EPHA1: variants seen among roughly 807,000 people sequenced by gnomAD.
EPHA1 encodes EPH receptor A1.
A neutral mutation model predicts 110.1 loss-of-function variants in EPHA1; 92 were observed. The observed-to-expected ratio is 0.84, with a 90% confidence interval of 0.71 to 0.99. The LOEUF is 0.99. Among genes scored for constraint, EPHA1 ranks in the 50% least tolerant of loss-of-function variants. EPHA1 has a pLI of 0.00. For synonymous variants in EPHA1, 500 were observed against 516.1 expected, an observed-to-expected ratio of 0.97 and a Z score of 0.42; for missense variants, 1,204 against 1,285.4, an observed-to-expected ratio of 0.94 and a Z score of 0.97.
Position 143,398,654 on chromosome 7 carries a change from A to T in EPHA1, c.1283T>A (p.Leu428Gln), listed in dbSNP as rs1212536971. 1.2e-6 allele frequency: 2 copies of T among 1,613,986 alleles called. No homozygotes were observed. The highest frequency in any genetic ancestry group is 8.5e-7 in the Non-Finnish European group (1 of 1,180,004). Residue 428 changes from leucine to glutamine, a missense_variant, in exon 6 of 18, where the codon CTG (leucine) becomes CAG (glutamine). Leu to Gln is a moderately radical substitution (Grantham distance 113, BLOSUM62 -2). Coordinates refer to ENST00000275815, the MANE Select transcript of EPHA1 (RefSeq NM_005232.5). ...GGTGCTGGCATGGCCAGAGCTGCCC[A>T]GCCCTGACACTCCATTTTGGGCTTC... is the stretch of plus-strand genomic sequence containing the variant. ...NVEAQNGVSG[L>Q]GSSGHASTSV... is the part of the protein sequence containing the mutation.
In EPHA1 at chr7:143,395,148, C is replaced by A. The variant is rs375566010; in HGVS notation, c.2118G>T (p.Glu706Asp). 11 of 1,613,916 alleles carry A rather than the reference C, an allele frequency of 6.8e-6. No individual in the cohort carries two copies. In the Admixed American group the frequency reaches 1.3e-4, roughly 20 times the overall value. ...TCAGGAAGGCATCCAGGGCTCCATT[C>A]TCCATAAATTCTGTGATGATCATGA... is the stretch of plus-strand genomic sequence containing the variant. ...KPIMIITEFM[E>D]NGALDAFLRE... The change falls in exon 13 of 18, where the codon GAG (glutamate) becomes GAT (aspartate). Residue 706 changes from glutamate (E) to aspartate (D), a missense_variant. Transcript: ENST00000275815. The surrounding 1 kb of genome is among the most constrained non-coding windows in gnomAD (Gnocchi z 4.7).
In EPHA1 at chr7:143,398,891, G is replaced by A; in HGVS notation, c.1046C>T (p.Ser349Phe). 1 of 1,613,450 alleles carries A rather than the reference G, an allele frequency of 6.2e-7. No homozygotes were observed. Among genetic ancestry groups the A allele is most frequent in the Non-Finnish European group, 8.5e-7 (1 of 1,179,842 alleles). The change falls in exon 6 of 18, where the codon TCC (serine) becomes TTC (phenylalanine). Residue 349 changes from serine (S) to phenylalanine (F), a missense_variant. Ser to Phe is a radical substitution (Grantham distance 155, BLOSUM62 -2). Coordinates refer to ENST00000275815, the MANE Select transcript of EPHA1 (RefSeq NM_005232.5). ...ATCTGCTGGGGGTTCCCAACGCAGG[G>A]AGAGCTGAGTCCCTGAGGCAGAGAA... ...LSFSASGTQL[S>F]LRWEPPADTG... is the part of the protein sequence containing the mutation.
At chr7:143,400,797 T>G (rs1805394665) in intron 3 of EPHA1, 1 of 158,728 alleles carries the variant, frequency 6.3e-6, no homozygotes, top group South Asian at 1.9e-4. Flanking sequence ...ATTTTATGAC[T>G]AGGCAACAAA....
rs56006153 is a variant in EPHA1 at position 143,398,886 on chromosome 7, G to A, written c.1051C>T (p.Arg351Cys). The change falls in exon 6 of 18, where the codon CGT becomes TGT. Residue 351 changes from arginine to cysteine, a missense_variant. By Grantham distance (180) the Arg-to-Cys change is radical. Transcript: ENST00000275815. ...CCCGTATCTGCTGGGGGTTCCCAAC[G>A]CAGGGAGAGCTGAGTCCCTGAGGCA... ...FSASGTQLSL[R>C]WEPPADTGGR... 186 of 1,613,252 alleles carry A rather than the reference G, an allele frequency of 1.2e-4. No individual in the cohort carries two copies. Among genetic ancestry groups the A allele is most frequent in the East Asian group, 3.6e-4 (16 of 44,858 alleles).
At chr7:143,405,564 T>C (rs1490114323) in intron 2 of EPHA1, among the ~76,000 whole-genome samples, 1 of 152,120 alleles carries the variant, frequency 6.6e-6, no homozygotes, top group African/African-American at 2.4e-5. Flanking sequence ...GTTTTGCCTG[T>C]GCTGAGAAAG....
At position 143,408,836 on chromosome 7, in the gene EPHA1, C is replaced by T. The variant is rs1805639335; in HGVS notation, c.-31G>A. On this transcript the variant is annotated 5_prime_UTR_variant, in exon 1 of 18. Transcript: ENST00000275815. ...CGGGCCGGGACCTGGGACAGTGGCCCGGATGGCAGCGCCAGGTTGCAAGGG... is the reference window on the plus strand; with the variant it reads ...CGGGCCGGGACCTGGGACAGTGGCCTGGATGGCAGCGCCAGGTTGCAAGGG... 5.9e-6 allele frequency: 6 copies of T among 1,014,704 alleles called. No homozygotes were observed. Among genetic ancestry groups the T allele is most frequent in the Admixed American group, 8.7e-5 (1 of 11,558 alleles). 62.9% of individuals were successfully genotyped at this position (1,014,704 alleles called of 1,614,324 possible).
chr7:143,397,861 A>G, intron 8 of EPHA1, 59 bp downstream of exon 8: 1 of 1,585,620 alleles, frequency 6.3e-7, no homozygotes, highest in Non-Finnish European at 8.6e-7. Context: ...ACAGGAGCTG[A>G]GTTGCCTCAG....
In EPHA1 at chr7:143,401,806, C is replaced by CAAT. The variant is rs1805428496; in HGVS notation, c.151-204_151-202dup. ...TTGTTTGGATATAAGATGGGCAAGA[C>CAAT]AATAGTCCCTTAACATCCCTAGTTG... On this transcript the variant is annotated intron_variant, in intron 2 of 17. Coordinates refer to ENST00000275815, the MANE Select transcript of EPHA1 (RefSeq NM_005232.5). This position sits in a 1 kb window ranked among gnomAD's most constrained non-coding sequence, Gnocchi z 4.1. Among the ~76,000 whole-genome samples, 7 of 152,308 alleles carry CAAT rather than the reference C, an allele frequency of 4.6e-5. No homozygotes were observed. The South Asian group carries it at 1.5e-3, about 32-fold the overall frequency.
intron 15 of EPHA1, 70 bp downstream of exon 15, chr7:143,394,124 T>C: frequency 2.6e-6 from 4 of 1,540,114 alleles, no homozygotes; most frequent in Non-Finnish European, 3.5e-6. Flanking sequence ...GAAAAGGCCA[T>C]GGGAGGACCT....
In EPHA1 at chr7:143,401,702, C is replaced by T. The variant is rs1805426123; in HGVS notation, c.151-97G>A. The T allele has an allele frequency of 6.8e-7, 1 of 1,470,694 alleles. No individual in the cohort carries two copies. Among genetic ancestry groups the T allele is most frequent in the Non-Finnish European group, 9.3e-7 (1 of 1,079,330 alleles). The allele number at this position is 1,470,694 out of a possible 1,614,324, so 91.1% of individuals were successfully genotyped here. On this transcript the variant is annotated intron_variant, in intron 2 of 17. Coordinates refer to ENST00000275815, the MANE Select transcript of EPHA1 (RefSeq NM_005232.5). This position sits in a 1 kb window ranked among gnomAD's most constrained non-coding sequence, Gnocchi z 4.1. Reference sequence around the variant, plus strand: ...TGGAGAAGCAGCTGTGTCAGAGCCCCTCAGGTTTATGCTACTTGTTCTGCC... The same window carrying T: ...TGGAGAAGCAGCTGTGTCAGAGCCCTTCAGGTTTATGCTACTTGTTCTGCC...
chr7:143,393,809 G>A lies in EPHA1; in HGVS notation c.2558C>T (p.Ala853Val). The change falls in exon 16 of 18, where the codon GCC (alanine) becomes GTC (valine). Residue 853 changes from alanine to valine, a missense_variant. Ala to Val is a moderately conservative substitution (Grantham distance 64, BLOSUM62 0). Coordinates refer to ENST00000275815, the MANE Select transcript of EPHA1 (RefSeq NM_005232.5). This position sits in a 1 kb window ranked among gnomAD's most constrained non-coding sequence, Gnocchi z 5.6. ...YRLPPPVDCP[A>V]PLYELMKNCW... is the part of the protein sequence containing the mutation. Reference sequence around the variant, plus strand: ...GTTCTTCATGAGCTCATACAGAGGGGCAGGGCAGTCCACAGGAGGGGGCAA... The same window carrying A: ...GTTCTTCATGAGCTCATACAGAGGGACAGGGCAGTCCACAGGAGGGGGCAA... 6.2e-7 allele frequency: 1 copy of A among 1,606,180 alleles called. No individual in the cohort carries two copies. The highest frequency in any genetic ancestry group is 8.5e-7 in the Non-Finnish European group (1 of 1,174,980).
Position 143,398,939 on chromosome 7 carries a change from G to T in EPHA1, c.998C>A (p.Pro333His). Residue 333 changes from proline to histidine, a missense_variant, in exon 6 of 18, where the codon CCC (proline) becomes CAC (histidine). By Grantham distance (77) the Pro-to-His change is moderately conservative (BLOSUM62 -2). Coordinates refer to ENST00000275815, the MANE Select transcript of EPHA1 (RefSeq NM_005232.5). The part of the protein sequence containing the change: ...EGPQVACTGP[P>H]SAPRNLSFSA... ...GAAGCTCAGGTTTCGGGGGGCCGAG[G>T]GGGGACCTGTGGGAGAAGAGGAGCC... is the stretch of plus-strand genomic sequence containing the variant. 1.2e-6 allele frequency: 2 copies of T among 1,600,802 alleles called. No homozygotes were observed. The highest frequency in any genetic ancestry group is 2.2e-5 in the South Asian group (2 of 89,484).
Position 143,394,838 on chromosome 7 carries a change from C to G in EPHA1, c.2322G>C (p.Leu774=), listed in dbSNP as rs1205204856. The G allele has an allele frequency of 1.2e-6, 2 of 1,614,110 alleles. No individual in the cohort carries two copies. The highest frequency in any genetic ancestry group is 3.3e-5 in the Admixed American group (2 of 60,012). ...KVSDFGLTRL[L]DDFDGTYETQ... ...TTTCGTATGTGCCATCAAAGTCATC[C>G]AGGAGGCGAGTCAGGCCAAAGTCAG... Residue 774 remains leucine (L), a synonymous_variant, in exon 14 of 18, where the codon CTG becomes CTC. Transcript: ENST00000275815.
At chr7:143,394,377 A>G (rs774773378) in intron 14 of EPHA1, 34 bp from the exon 15 acceptor site, 2 of 1,597,456 alleles carry the variant, frequency 1.3e-6, no homozygotes, top group East Asian at 4.5e-5. Context: ...ACGGAAAGTT[A>G]TGGTGTCCAC....
chr7:143,397,203 G>A (rs1243919886), intron 10 of EPHA1, 101 bp downstream of exon 10: 1 of 1,386,102 alleles, frequency 7.2e-7, no homozygotes, highest in East Asian at 2.5e-5. Flanking sequence ...TAGCAAATGT[G>A]TCCCTTGATC....
chr7:143,399,134 A>G, intron 5 of EPHA1, 124 bp downstream of exon 5: 3 of 1,351,876 alleles, frequency 2.2e-6, no homozygotes, highest in Non-Finnish European at 3.1e-6. Context: ...AGGGGCTAAA[A>G]GTGCCTGACA....
At chr7:143,408,579 C>A in intron 1 of EPHA1, 145 bp downstream of exon 1, 1 of 378,346 alleles carries the variant, frequency 2.6e-6, no homozygotes. Context: ...AGTCGATAGC[C>A]TGGCGGTCGG....
At position 143,401,121 on chromosome 7, in the gene EPHA1, G is replaced by A; in HGVS notation, c.432+203C>T. Reference sequence around the variant, plus strand: ...TTGCCCAGGCTGGTCTCAAGCTCCTGGCCTCAAGTGATCTTCCCACATCGG... The same window carrying A: ...TTGCCCAGGCTGGTCTCAAGCTCCTAGCCTCAAGTGATCTTCCCACATCGG... On this transcript the variant is annotated intron_variant, in intron 3 of 17. Transcript: ENST00000275815. The surrounding 1 kb of genome is among the most constrained non-coding windows in gnomAD (Gnocchi z 4.1). 1.5e-6 allele frequency: 1 copy of A among 663,170 alleles called. No individual in the cohort carries two copies. The highest frequency in any genetic ancestry group is 2.5e-6 in the Non-Finnish European group (1 of 397,314). The allele number at this position is 663,170 out of a possible 1,614,324, so 41.1% of individuals were successfully genotyped here. A position where few individuals can be genotyped will look rare whatever the true frequency, so the allele number is the denominator to read the frequency against.
At chr7:143,404,705 A>C (rs1490186507) in intron 2 of EPHA1, among the ~76,000 whole-genome samples, 2 of 152,098 alleles carry the variant, frequency 1.3e-5, no homozygotes, top group African/African-American at 4.8e-5. Flanking sequence ...TGTGCAAGAC[A>C]TATGTTTTAG....
Sources: gnomAD v4.1 joint callset for allele counts (sites outside exome capture counted in the v4.1 genomes callset) on GRCh38, gnomAD v4.1.1 for gene constraint, Gnocchi (gnomAD v3.1) non-coding constraint, MANE v1.5 for transcripts, NCBI Gene and HGNC (gene_info 2026-07-23, HGNC 2026-07-21) for gene names.